CEP112: variants seen among roughly 807,000 people sequenced by gnomAD.
CEP112 encodes the protein centrosomal protein 112.
A neutral mutation model predicts 153.0 loss-of-function variants in CEP112; 127 were observed. That is an observed-to-expected ratio of 0.83 (90% CI 0.72 to 0.96). The LOEUF is 0.96. CEP112 is among the 40% of genes least tolerant of loss of function. CEP112 has a pLI of 0.00. For synonymous variants in CEP112, 358 were observed against 374.4 expected (o/e 0.96, Z 0.51); for missense variants, 1,089 against 1,101.2 (o/e 0.99, Z 0.16).
chr17:66,161,449 T>C (rs1185075947), intron 4 of CEP112, among the ~76,000 whole-genome samples: 2 of 152,076 alleles, frequency 1.3e-5, no homozygotes, highest in African/African-American at 2.4e-5. Flanking sequence ...CCATCAATAA[T>C]AGACCGGATA....
intron 20 of CEP112, among the ~76,000 whole-genome samples, chr17:65,888,087 T>G (rs2059346129): frequency 6.6e-6 from 1 of 152,194 alleles, no homozygotes; most frequent in Non-Finnish European, 1.5e-5. Context: ...AATATCACTC[T>G]TCCTTCTCCC....
At chr17:66,092,224 G>C (rs2068164532) in intron 8 of CEP112, among the ~76,000 whole-genome samples, 2 of 151,684 alleles carry the variant, frequency 1.3e-5, no homozygotes, top group South Asian at 4.2e-4. Context: ...ATTTTTCATA[G>C]AGATGGGGTT....
intron 21 of CEP112, among the ~76,000 whole-genome samples, chr17:65,766,404 A>C (rs1417727370): frequency 6.7e-6 from 1 of 149,770 alleles, no homozygotes. Context: ...AAAAAAATAA[A>C]GAAAAAAGAA....
intron 18 of CEP112, among the ~76,000 whole-genome samples, chr17:65,938,705 C>CCA (rs1007528743): frequency 6.6e-5 from 10 of 151,862 alleles, no homozygotes; most frequent in African/African-American, 1.2e-4. Context: ...CCTAAGGATT[C>CCA]CACACACACA....
chr17:65,994,337 G>T (rs186891137), intron 17 of CEP112, among the ~76,000 whole-genome samples: 1 of 152,074 alleles, frequency 6.6e-6, no homozygotes, highest in East Asian at 1.9e-4. Context: ...TCTTTTTGTT[G>T]TTGTTATTGA....
At chr17:65,957,961 G>T (rs898952511) in intron 18 of CEP112, among the ~76,000 whole-genome samples, 6 of 151,984 alleles carry the variant, frequency 3.9e-5, no homozygotes, top group African/African-American at 1.4e-4. Context: ...TTTGATCCTT[G>T]TTAATGTAAT....
chr17:65,672,452 A>G (rs189466091), intron 24 of CEP112, among the ~76,000 whole-genome samples: 16 of 152,308 alleles, frequency 1.1e-4, no homozygotes, highest in African/African-American at 3.6e-4. Context: ...AATAACTAAG[A>G]CAATTTAGTT....
chr17:66,165,740 G>T (rs1408378336), intron 4 of CEP112, among the ~76,000 whole-genome samples: 1 of 152,094 alleles, frequency 6.6e-6, no homozygotes, highest in Non-Finnish European at 1.5e-5. Flanking sequence ...ACCATCTGCT[G>T]GCCATGTTAT....
At chr17:66,085,629 A>G (rs2067892490) in intron 8 of CEP112, among the ~76,000 whole-genome samples, 1 of 152,220 alleles carries the variant, frequency 6.6e-6, no homozygotes, top group South Asian at 2.1e-4. Flanking sequence ...ATGAATAAGA[A>G]TGGGGTGATA....
At chr17:66,179,707 A>C (rs1266307299) in intron 2 of CEP112, among the ~76,000 whole-genome samples, 1 of 152,146 alleles carries the variant, frequency 6.6e-6, no homozygotes, top group East Asian at 1.9e-4. Context: ...TGCTCTAGCT[A>C]GGACTTCCAA....
intron 6 of CEP112, among the ~76,000 whole-genome samples, chr17:66,120,655 C>T (rs1162118848): frequency 1.3e-5 from 2 of 152,086 alleles, no homozygotes; most frequent in Non-Finnish European, 1.5e-5. Context: ...CATAGAGTTG[C>T]TTGCAGTAAT....
At chr17:65,969,744 T>C (rs551859570) in intron 17 of CEP112, among the ~76,000 whole-genome samples, 2 of 152,338 alleles carry the variant, frequency 1.3e-5, no homozygotes, top group Admixed American at 1.3e-4. Flanking sequence ...ATGCATACAC[T>C]ACACGAATGC....
At chr17:65,703,510 CA>C (rs1295077304) in intron 23 of CEP112, among the ~76,000 whole-genome samples, 1 of 67,928 alleles carries the variant, frequency 1.5e-5, no homozygotes. Context: ...GACTCCATCT[CA>C]AAAAAAAGAA....
intron 21 of CEP112, 87 bp downstream of exon 21, chr17:65,851,717 C>A (rs1166157992): frequency 5.3e-6 from 5 of 939,644 alleles, no homozygotes; most frequent in Non-Finnish European, 8.3e-6. Context: ...TGTCTACTAC[C>A]TTTTGGAGAT....
At chr17:65,636,335 A>G (rs1232786441) in intron 26 of CEP112, among the ~76,000 whole-genome samples, 3 of 152,214 alleles carry the variant, frequency 2.0e-5, no homozygotes, top group Admixed American at 2.0e-4. Flanking sequence ...CCCCAAAAAG[A>G]GCACTGAGGG....
intron 20 of CEP112, among the ~76,000 whole-genome samples, chr17:65,870,657 A>G (rs1309992064): frequency 6.6e-6 from 1 of 152,212 alleles, no homozygotes; most frequent in Non-Finnish European, 1.5e-5. Flanking sequence ...AGTATTAAAA[A>G]GCCAATACAG....
rs1307449843 is a variant in CEP112 at position 66,053,839 on chromosome 17, T to C, written c.1115A>G (p.Asp372Gly). The C allele has an allele frequency of 6.8e-6, 11 of 1,613,312 alleles. No individual in the cohort carries two copies. Among genetic ancestry groups the C allele is most frequent in the Middle Eastern group, 1.6e-4 (1 of 6,076 alleles). ...GTTTTCAGTGTGTTGCTTTTGAAGA[T>C]CAAACTTTTCCTGTTCCATTTCTGC... is the stretch of plus-strand genomic sequence containing the variant. ...AVAEMEQEKF[D>G]LQKQHTENIQ... is the part of the protein sequence containing the mutation. The change falls in exon 12 of 27, where the codon GAT becomes GGT. Residue 372 changes from aspartate (D) to glycine (G), a missense_variant. Transcript: ENST00000535342.
At chr17:65,693,654 G>A (rs1411258778) in intron 23 of CEP112, among the ~76,000 whole-genome samples, 5 of 152,170 alleles carry the variant, frequency 3.3e-5, no homozygotes, top group African/African-American at 4.8e-5. Flanking sequence ...AGTCAGAAGC[G>A]GTGGGGCAGT....
chr17:65,670,581 C>T (rs59196337), intron 24 of CEP112, among the ~76,000 whole-genome samples: 248 of 152,264 alleles, frequency 1.6e-3, no homozygotes, highest in African/African-American at 5.8e-3. Context: ...TATCACAGCT[C>T]ACAGAGAAAT....
Sources: allele counts gnomAD v4.1 joint callset (sites outside exome capture counted in the v4.1 genomes callset), GRCh38; gene constraint gnomAD v4.1.1; transcripts MANE v1.5; gene names NCBI Gene and HGNC (gene_info 2026-07-23, HGNC 2026-07-21).